PDE10A: variants seen among roughly 807,000 people sequenced by gnomAD.
PDE10A encodes phosphodiesterase 10A, also known as cAMP and cAMP-inhibited cGMP 3',5'-cyclic phosphodiesterase 10A.
In PDE10A, 39 loss-of-function variants were observed where a neutral mutation model predicts 97.7. That is an observed-to-expected ratio of 0.40 (90% CI 0.31 to 0.52). The LOEUF is 0.52. PDE10A is among the 20% of genes least tolerant of loss of function. PDE10A has a pLI of 0.56. For synonymous variants in PDE10A, 371 were observed against 376.8 expected (o/e 0.98, Z 0.18); for missense variants, 731 against 1,047.8 (o/e 0.70, Z 4.17).
At chr6:165,517,195 G>A (rs1202141430) in intron 2 of PDE10A, among the ~76,000 whole-genome samples, 2 of 152,014 alleles carry the variant, frequency 1.3e-5, no homozygotes, top group Non-Finnish European at 2.9e-5. Flanking sequence ...AATTTAATTA[G>A]AAAACTAGTA....
chr6:165,712,600 C>T (rs992643535), intron 1 of PDE10A, among the ~76,000 whole-genome samples: 10 of 150,248 alleles, frequency 6.7e-5, no homozygotes, highest in Middle Eastern at 3.3e-3. Flanking sequence ...AACTAAAATG[C>T]CAAAGCATGA....
At chr6:165,552,714 T>C (rs566313003) in intron 1 of PDE10A, among the ~76,000 whole-genome samples, 22 of 152,300 alleles carry the variant, frequency 1.4e-4, no homozygotes, top group Middle Eastern at 3.4e-3. Flanking sequence ...CTTTGTATCC[T>C]TCGGCTCTCA....
At chr6:165,789,978 G>C (rs921609600) in intron 1 of PDE10A, among the ~76,000 whole-genome samples, 2 of 152,150 alleles carry the variant, frequency 1.3e-5, no homozygotes, top group Non-Finnish European at 2.9e-5. Flanking sequence ...AAAGAGAAAG[G>C]CCACATTTGG....
intron 1 of PDE10A, among the ~76,000 whole-genome samples, chr6:165,796,091 CTTTTT>C (rs1168771487): frequency 2.8e-5 from 3 of 108,812 alleles, no homozygotes; most frequent in Admixed American, 1.1e-4. Context: ...TTTTTCTTTT[CTTTTT>C]TTTTTTTTTT....
intron 1 of PDE10A, among the ~76,000 whole-genome samples, chr6:165,669,580 A>C (rs1790590643): frequency 6.6e-6 from 1 of 152,162 alleles, no homozygotes; most frequent in South Asian, 2.1e-4. Context: ...TAACCCTTGC[A>C]AGTCTCCTGA....
chr6:165,767,791 G>A (rs755439638), intron 1 of PDE10A, among the ~76,000 whole-genome samples: 4 of 152,132 alleles, frequency 2.6e-5, no homozygotes, highest in Non-Finnish European at 5.9e-5. Context: ...GATATAGCTC[G>A]TAGTGGAATT....
At chr6:165,685,543 T>C (rs976002127) in intron 1 of PDE10A, among the ~76,000 whole-genome samples, 2 of 152,158 alleles carry the variant, frequency 1.3e-5, no homozygotes, top group African/African-American at 4.8e-5. Context: ...TTCTTCTGCA[T>C]TGGCTCAGAG....
At chr6:165,512,082 T>A (rs1781539129) in intron 2 of PDE10A, among the ~76,000 whole-genome samples, 1 of 152,022 alleles carries the variant, frequency 6.6e-6, no homozygotes, top group Non-Finnish European at 1.5e-5. Flanking sequence ...TGGTTGTTTG[T>A]ATATTCTTTG....
intron 1 of PDE10A, among the ~76,000 whole-genome samples, chr6:165,846,558 T>G (rs1780424714): frequency 1.3e-5 from 2 of 152,318 alleles, no homozygotes; most frequent in African/African-American, 4.8e-5. Context: ...CCCTCAGCCC[T>G]TCCCATCACA....
chr6:165,607,422 G>C (rs1787264833), intron 1 of PDE10A, among the ~76,000 whole-genome samples: 2 of 152,156 alleles, frequency 1.3e-5, no homozygotes, highest in Admixed American at 6.5e-5. Flanking sequence ...GATATATTTG[G>C]TTACAGCTGC....
intron 1 of PDE10A, among the ~76,000 whole-genome samples, chr6:165,817,805 T>G (rs12663089): frequency 0.24 from 35,869 of 152,012 alleles, 4,824 homozygotes; most frequent in East Asian, 0.59. Context: ...TAAAACAACA[T>G]AAGCACTGCT....
chr6:165,659,200 C>T (rs4709956), intron 1 of PDE10A, among the ~76,000 whole-genome samples: 13,268 of 151,990 alleles, frequency 0.087, 1,181 homozygotes, highest in East Asian at 0.28. Flanking sequence ...ATAAAACCAG[C>T]ATTCATACAA....
At chr6:165,731,164 C>A (rs1792426363) in intron 1 of PDE10A, among the ~76,000 whole-genome samples, 3 of 152,218 alleles carry the variant, frequency 2.0e-5, no homozygotes, top group South Asian at 4.1e-4. Flanking sequence ...GGCCTCGTGG[C>A]CCCCGGAGGG....
intron 1 of PDE10A, among the ~76,000 whole-genome samples, chr6:165,586,397 G>A (rs1456829412): frequency 6.6e-6 from 1 of 152,078 alleles, no homozygotes; most frequent in Non-Finnish European, 1.5e-5. Context: ...CAATAGTTAA[G>A]ATGTCCTCCC....
intron 1 of PDE10A, among the ~76,000 whole-genome samples, chr6:165,957,681 A>G (rs1028969633): frequency 2.2e-4 from 33 of 152,182 alleles, no homozygotes; most frequent in African/African-American, 8.0e-4. Flanking sequence ...TTATTAATGA[A>G]GGTGCTGTGC....
intron 1 of PDE10A, among the ~76,000 whole-genome samples, chr6:165,713,643 G>A (rs531066669): frequency 3.0e-4 from 45 of 152,144 alleles, no homozygotes; most frequent in Non-Finnish European, 4.9e-4. Flanking sequence ...CAGACCTACC[G>A]CAAACACCGA....
At chr6:165,641,226 G>GT (rs981580907) in intron 1 of PDE10A, among the ~76,000 whole-genome samples, 50 of 152,112 alleles carry the variant, frequency 3.3e-4, no homozygotes, top group Non-Finnish European at 5.4e-4. Context: ...CATAAGAAAG[G>GT]TTTTTTTAAA....
chr6:165,629,615 C>T (rs1335204417), intron 1 of PDE10A, among the ~76,000 whole-genome samples: 2 of 151,152 alleles, frequency 1.3e-5, no homozygotes, highest in Admixed American at 6.6e-5. Flanking sequence ...CTCACTGAAA[C>T]CTCCACCTGC....
At chr6:165,348,016 A>C (rs1170281027) in intron 18 of PDE10A, among the ~76,000 whole-genome samples, 1 of 152,204 alleles carries the variant, frequency 6.6e-6, no homozygotes, top group Non-Finnish European at 1.5e-5. Context: ...TTTGACGTGC[A>C]CGTACCTGTA....
Sources: gnomAD v4.1 joint callset for allele counts (sites outside exome capture counted in the v4.1 genomes callset) on GRCh38, gnomAD v4.1.1 for gene constraint, MANE v1.5 for transcripts, NCBI Gene and HGNC (gene_info 2026-07-23, HGNC 2026-07-21) for gene names.